Variants in PCDHA1 observed in about 807,000 individuals in gnomAD.
PCDHA1 encodes protocadherin alpha-1.
A neutral mutation model predicts 61.3 loss-of-function variants in PCDHA1; 42 were observed. The observed-to-expected ratio is 0.69, with a 90% CI of 0.54 to 0.89. PCDHA1 has a LOEUF of 0.89. Among genes scored for constraint, PCDHA1 ranks in the 40% least tolerant of loss-of-function variants. PCDHA1 has a pLI of 0.00. For missense variants in PCDHA1, 1,256 were observed against 1,235.3 expected (o/e 1.02, Z -0.25); for synonymous variants, 610 against 553.8 (o/e 1.10, Z -1.43).
chr5:140,870,253 G>A (rs782678686), intron 1 of PCDHA1: 2 of 1,614,196 alleles, frequency 1.2e-6, no homozygotes, highest in Non-Finnish European at 1.7e-6. Flanking sequence ...CAACGGACAG[G>A]TGACCTGCTC....
rs1026448396 is a variant in PCDHA1 at position 140,869,464 on chromosome 5, G to A, written c.2394+80780G>A. 1.1e-5 allele frequency: 18 copies of A among 1,614,080 alleles called. No individual in the cohort carries two copies. Among genetic ancestry groups the A allele is most frequent in the Non-Finnish European group, 1.4e-5 (17 of 1,180,040 alleles). ...GCCGCTGCAGGTTTTCCATGTGAAC[G>A]TGGAGGTGAAGGACATTAACGACAA... On this transcript the variant is annotated intron_variant, in intron 1 of 3. Transcript: ENST00000504120.
chr5:140,970,096 T>C (rs2096383552), intron 1 of PCDHA1, among the ~76,000 whole-genome samples: 1 of 152,066 alleles, frequency 6.6e-6, no homozygotes, highest in South Asian at 2.1e-4. Flanking sequence ...GGGGGGATGG[T>C]GAAGACCAAG....
intron 1 of PCDHA1, chr5:140,927,936 A>G: frequency 6.2e-7 from 1 of 1,614,246 alleles, no homozygotes; most frequent in East Asian, 2.2e-5. Context: ...TTTCGAACCC[A>G]GTACCTGAGG....
At chr5:140,859,846 T>C (rs1156718746) in intron 1 of PCDHA1, 1 of 152,114 alleles carries the variant, frequency 6.6e-6, no homozygotes. Context: ...TTTTATCAAA[T>C]AGGTTTATGA....
In PCDHA1 at chr5:140,787,116, G is replaced by A; in HGVS notation, c.826G>A (p.Glu276Lys). Reference sequence around the variant, plus strand: ...TGATGCTGACGAAGGTGTAAATGGTGAAGTCGTCTTTTCCTTTGACAGTGG... The same window carrying A: ...TGATGCTGACGAAGGTGTAAATGGTAAAGTCGTCTTTTCCTTTGACAGTGG... ...ASDADEGVNG[E>K]VVFSFDSGIS... Residue 276 changes from glutamate (E) to lysine (K), a missense_variant, in exon 1 of 4, where the codon GAA becomes AAA. Coordinates refer to ENST00000504120, the MANE Select transcript of PCDHA1 (RefSeq NM_018900.4). The A allele has an allele frequency of 1.2e-6, 2 of 1,614,198 alleles. No homozygotes were observed. The highest frequency in any genetic ancestry group is 1.6e-4 in the Middle Eastern group (1 of 6,062).
intron 1 of PCDHA1, among the ~76,000 whole-genome samples, chr5:140,844,102 T>C (rs1273394917): frequency 6.7e-6 from 1 of 149,766 alleles, no homozygotes; most frequent in Non-Finnish European, 1.5e-5. Context: ...TCTTACTCCA[T>C]ATGCTGTACT....
At chr5:140,989,533 T>C (rs114286041) in intron 3 of PCDHA1, among the ~76,000 whole-genome samples, 1,576 of 152,276 alleles carry the variant, frequency 0.01, 12 homozygotes, top group Middle Eastern at 0.058. Flanking sequence ...AGGAGGAAGA[T>C]AGTTTGTAAT....
intron 1 of PCDHA1, among the ~76,000 whole-genome samples, chr5:140,845,170 T>C (rs1779731590): frequency 6.7e-6 from 1 of 149,622 alleles, no homozygotes; most frequent in Non-Finnish European, 1.5e-5. Context: ...ATTGTTTTCA[T>C]TTTAGTCCTT....
intron 1 of PCDHA1, chr5:140,836,420 G>A: frequency 6.2e-7 from 1 of 1,613,810 alleles, no homozygotes. Context: ...CAAAGGCGTC[G>A]TCGCGGGCAT....
At chr5:140,802,880 C>G (rs1763052378) in intron 1 of PCDHA1, 1 of 1,613,482 alleles carries the variant, frequency 6.2e-7, no homozygotes, top group African/African-American at 1.3e-5. Context: ...AGAACGACAA[C>G]GCGCCGGCAC....
At position 141,010,400 on chromosome 5, in the gene PCDHA1, T is replaced by C. The variant is rs145123720; in HGVS notation, c.*463T>C. 379 of 1,297,746 alleles carry C rather than the reference T, an allele frequency of 2.9e-4. No individual in the cohort carries two copies. Among genetic ancestry groups the C allele is most frequent in the Non-Finnish European group, 3.8e-4 (370 of 966,092 alleles). 80.4% of individuals were successfully genotyped at this position (1,297,746 alleles called of 1,614,324 possible). ...CAGATATTGGCTGAGACGAGCCAGC[T>C]TAGACTAATTGGTACAAGGAAGGCA... On this transcript the variant is annotated 3_prime_UTR_variant, in exon 4 of 4. Transcript: ENST00000504120.
chr5:141,004,531 C>A (rs1051693064), intron 3 of PCDHA1, among the ~76,000 whole-genome samples: 2 of 152,234 alleles, frequency 1.3e-5, no homozygotes, highest in Admixed American at 1.3e-4. Flanking sequence ...ATACACACAG[C>A]CATTAATGTC....
intron 1 of PCDHA1, chr5:140,851,981 G>A: frequency 1.0e-6 from 1 of 976,468 alleles, no homozygotes; most frequent in Non-Finnish European, 1.2e-6. Flanking sequence ...TACCTTTAGT[G>A]CAAGCTATTT....
In PCDHA1 at chr5:140,788,445, A is replaced by T; in HGVS notation, c.2155A>T (p.Thr719Ser). ...GCTGGTGCTCACACTGCTGCTGTAC[A>T]CGGCGCTGCGGTGCTCAGTGCCGCC... ...SLLVLTLLLY[T>S]ALRCSVPPTE... Residue 719 changes from threonine to serine, a missense_variant, in exon 1 of 4, where the codon ACG becomes TCG. Thr to Ser is a moderately conservative substitution (Grantham distance 58). Coordinates refer to ENST00000504120, the MANE Select transcript of PCDHA1 (RefSeq NM_018900.4). The T allele has an allele frequency of 1.2e-6, 2 of 1,614,082 alleles. No individual in the cohort carries two copies. The highest frequency in any genetic ancestry group is 1.7e-6 in the Non-Finnish European group (2 of 1,179,994).
intron 3 of PCDHA1, among the ~76,000 whole-genome samples, chr5:141,004,792 C>G (rs2098181519): frequency 6.6e-6 from 1 of 152,170 alleles, no homozygotes; most frequent in African/African-American, 2.4e-5. Flanking sequence ...CAGGCAGATT[C>G]TGGCTGAGCT....
chr5:140,848,945 T>G (rs1554142609), intron 1 of PCDHA1: 5 of 1,607,094 alleles, frequency 3.1e-6, no homozygotes, highest in South Asian at 1.1e-5. Flanking sequence ...CGCTTGACTC[T>G]CGGTTTCCAC....
rs1562298867 is a variant in PCDHA1, at chr5:140,828,664, A to C, written c.2394+39980A>C. On this transcript the variant is annotated intron_variant, in intron 1 of 3. Coordinates refer to ENST00000504120, the MANE Select transcript of PCDHA1 (RefSeq NM_018900.4). ...AAATAAACAGTGATGACAATAAACAAATTGGGCTCTTATTAAAGAAATCCT... is the reference window on the plus strand; with the variant it reads ...AAATAAACAGTGATGACAATAAACACATTGGGCTCTTATTAAAGAAATCCT... 1 of 1,614,094 alleles carries C rather than the reference A, an allele frequency of 6.2e-7. No homozygotes were observed. The highest frequency in any genetic ancestry group is 1.7e-5 in the Admixed American group (1 of 60,008).
chr5:140,808,782 A>G (rs1764262210), intron 1 of PCDHA1: 1 of 1,612,468 alleles, frequency 6.2e-7, no homozygotes, highest in African/African-American at 1.3e-5. Context: ...GAGCTGCTGC[A>G]GTTTCAGGTG....
intron 1 of PCDHA1, chr5:140,870,730 C>T: frequency 1.4e-5 from 23 of 1,613,398 alleles, no homozygotes; most frequent in Non-Finnish European, 1.9e-5. Context: ...GGGCGTGCCG[C>T]CTCTGAGCAG....
Sources: gnomAD v4.1 joint callset for allele counts (sites outside exome capture counted in the v4.1 genomes callset) on GRCh38, gnomAD v4.1.1 for gene constraint, MANE v1.5 for transcripts, NCBI Gene and HGNC (gene_info 2026-07-23, HGNC 2026-07-21) for gene names.